The following KHDRBS2 variants were observed in gnomAD, a reference collection of about 807,000 sequenced individuals.
KHDRBS2 encodes the protein KH domain-containing, RNA-binding, signal transduction-associated protein 2.
A neutral mutation model predicts 44.3 loss-of-function variants in KHDRBS2; 26 were observed. The ratio of observed to expected loss-of-function variants is 0.59; its 90% CI spans 0.43 to 0.81. The LOEUF is 0.81. Among genes scored for constraint, KHDRBS2 ranks in the 40% least tolerant of loss-of-function variants. KHDRBS2 has a pLI of 0.00. For missense variants in KHDRBS2, 476 were observed against 433.1 expected (o/e 1.10, Z -0.88); for synonymous variants, 194 against 151.1 (o/e 1.28, Z -2.08).
intron 6 of KHDRBS2, among the ~76,000 whole-genome samples, chr6:61,773,491 T>G (rs964203947): frequency 2.2e-3 from 332 of 152,198 alleles, no homozygotes; most frequent in African/African-American, 7.8e-3. Context: ...ATGGGGTTGT[T>G]TGTTTTTTTC....
At chr6:61,960,237 C>A (rs1394638924) in intron 4 of KHDRBS2, among the ~76,000 whole-genome samples, 2 of 152,066 alleles carry the variant, frequency 1.3e-5, no homozygotes, top group Non-Finnish European at 2.9e-5. Context: ...AGTACCTATT[C>A]TCTTGTCCTT....
At chr6:62,066,026 A>G (rs1375629440) in intron 2 of KHDRBS2, among the ~76,000 whole-genome samples, 2 of 151,660 alleles carry the variant, frequency 1.3e-5, no homozygotes, top group Admixed American at 6.6e-5. Context: ...TCCTGTGTGG[A>G]GAGTCCTTAA....
At chr6:61,678,239 G>A (rs1474635239), downstream of KHDRBS2, among the ~76,000 whole-genome samples, 3 of 151,890 alleles carry the variant, frequency 2.0e-5, no homozygotes, top group African/African-American at 4.8e-5. Context: ...CTCAGCCTGT[G>A]GATTTCATAA....
At chr6:61,891,568 TG>T (rs1250366906) in intron 6 of KHDRBS2, among the ~76,000 whole-genome samples, 1 of 151,816 alleles carries the variant, frequency 6.6e-6, no homozygotes, top group Non-Finnish European at 1.5e-5. Flanking sequence ...GGTCCTGGAC[TG>T]TTTTTGGGAT....
chr6:62,109,503 G>A (rs1477342944), intron 2 of KHDRBS2, among the ~76,000 whole-genome samples: 3 of 151,852 alleles, frequency 2.0e-5, no homozygotes, highest in Admixed American at 6.6e-5. Flanking sequence ...TAGAAAATAA[G>A]TCTTTATTCA....
At chr6:62,086,664 G>T (rs1310141718) in intron 2 of KHDRBS2, among the ~76,000 whole-genome samples, 1 of 152,168 alleles carries the variant, frequency 6.6e-6, no homozygotes, top group East Asian at 1.9e-4. Flanking sequence ...AAAGGAGAGA[G>T]AAGCAAGTTG....
intron 2 of KHDRBS2, among the ~76,000 whole-genome samples, chr6:62,168,622 A>G (rs766079026): frequency 2.6e-4 from 39 of 152,288 alleles, no homozygotes; most frequent in Middle Eastern, 3.4e-3. Flanking sequence ...CACAAGAAAA[A>G]ATGGAATTTT....
At chr6:62,109,294 A>G (rs940530412) in intron 2 of KHDRBS2, among the ~76,000 whole-genome samples, 2 of 152,022 alleles carry the variant, frequency 1.3e-5, no homozygotes, top group Non-Finnish European at 1.5e-5. Context: ...TCCAATATCC[A>G]TTCCTAATTT....
At chr6:61,737,257 A>G (rs1473512132) in intron 6 of KHDRBS2, among the ~76,000 whole-genome samples, 1 of 152,202 alleles carries the variant, frequency 6.6e-6, no homozygotes, top group South Asian at 2.1e-4. Flanking sequence ...GAGTAGATGG[A>G]AATCTGTCCT....
chr6:61,854,205 G>T (rs1795844786), intron 6 of KHDRBS2, among the ~76,000 whole-genome samples: 1 of 151,986 alleles, frequency 6.6e-6, no homozygotes, highest in African/African-American at 2.4e-5. Context: ...CATAATACTT[G>T]AAATTTTTTT....
At chr6:61,937,929 C>A (rs1317711533) in intron 4 of KHDRBS2, among the ~76,000 whole-genome samples, 2 of 151,936 alleles carry the variant, frequency 1.3e-5, no homozygotes, top group Non-Finnish European at 2.9e-5. Context: ...ATTTTTATTA[C>A]CTCAAATTTT....
the KHDRBS2 span, among the ~76,000 whole-genome samples, chr6:61,625,742 G>T: frequency 2.0e-3 from 308 of 152,224 alleles, 2 homozygotes; most frequent in African/African-American, 6.9e-3. Flanking sequence ...ATTCTCTGCA[G>T]TTATTTCTCC....
intron 1 of KHDRBS2, among the ~76,000 whole-genome samples, chr6:62,282,434 G>T (rs1841929799): frequency 6.6e-6 from 1 of 152,096 alleles, no homozygotes; most frequent in Non-Finnish European, 1.5e-5. Flanking sequence ...TGCTTGCAAA[G>T]ATTTCAGGCT....
intron 6 of KHDRBS2, among the ~76,000 whole-genome samples, chr6:61,805,902 A>G (rs1364590047): frequency 6.6e-6 from 1 of 152,166 alleles, no homozygotes; most frequent in Non-Finnish European, 1.5e-5. Context: ...GGTAGTAAAC[A>G]CTATATTGCT....
At position 62,210,327 on chromosome 6, in the gene KHDRBS2, CTT is replaced by C. The variant is rs70996209; in HGVS notation, c.92-33017_92-33016del. Among the ~76,000 whole-genome samples, 1,184 of 122,092 alleles carry C rather than the reference CTT, an allele frequency of 9.7e-3. 10 individuals carry two copies. Among genetic ancestry groups the C allele is most frequent in the African/African-American group, 0.021 (720 of 33,620 alleles). 80.1% of individuals were successfully genotyped at this position (122,092 alleles called of 152,430 possible). On this transcript the variant is annotated intron_variant, in intron 1 of 8. Coordinates refer to ENST00000281156, the MANE Select transcript of KHDRBS2 (RefSeq NM_152688.4). ...ATAAAAGGCACATTATTCTAGCATT[CTT>C]TTTTTTTTTTTTTTTTTCAAGACGA...
chr6:61,675,309 A>G (rs1213335702), downstream of KHDRBS2, among the ~76,000 whole-genome samples: 6 of 151,774 alleles, frequency 4.0e-5, no homozygotes, highest in African/African-American at 7.2e-5. Context: ...AGAATTCTTG[A>G]TAACCTTTCA....
chr6:62,041,268 T>G (rs527983865), intron 3 of KHDRBS2, among the ~76,000 whole-genome samples: 1 of 151,722 alleles, frequency 6.6e-6, no homozygotes, highest in African/African-American at 2.4e-5. Context: ...GAGGTGGAGG[T>G]TGTAGTGAGC....
At chr6:61,869,367 T>C (rs759441667) in intron 6 of KHDRBS2, among the ~76,000 whole-genome samples, 7 of 152,176 alleles carry the variant, frequency 4.6e-5, no homozygotes, top group African/African-American at 4.8e-5. Context: ...TTTGATGACA[T>C]ATAATTATAT....
intron 3 of KHDRBS2, among the ~76,000 whole-genome samples, chr6:61,990,673 G>C (rs1775960553): frequency 6.6e-6 from 1 of 151,282 alleles, no homozygotes; most frequent in Non-Finnish European, 1.5e-5. Flanking sequence ...ATTTTATTTT[G>C]TACTTCAGAA....
Sources: allele counts gnomAD v4.1 joint callset (sites outside exome capture counted in the v4.1 genomes callset), GRCh38; gene constraint gnomAD v4.1.1; transcripts MANE v1.5; gene names NCBI Gene and HGNC (gene_info 2026-07-23, HGNC 2026-07-21).